The following MASP2 variants were observed in gnomAD, a reference collection of about 807,000 sequenced individuals.
The protein encoded by MASP2 is mannan-binding lectin serine protease 2.
MASP2 carries 49 observed loss-of-function variants against 57.1 expected under a neutral mutation model. The ratio of observed to expected loss-of-function variants is 0.86; its 90% confidence interval spans 0.68 to 1.09. The LOEUF (loss-of-function observed/expected upper bound fraction) is 1.09, where lower values mean the gene tolerates loss of function less well. Ranked by LOEUF, MASP2 falls within the 50% of genes least tolerant of loss-of-function variation. The pLI, the probability that MASP2 is intolerant of heterozygous loss-of-function variation, is 0.00. For missense variants in MASP2, 900 were observed against 874.8 expected (o/e 1.03, Z -0.36); for synonymous variants, 379 against 340.8 (o/e 1.11, Z -1.24).
rs1259977609 is a variant in MASP2, at chr1:11,043,543, G to A, written c.545-8C>T. On this transcript the variant is annotated splice_polypyrimidine_tract_variant and splice_region_variant and intron_variant, in intron 4 of 10. Transcript: ENST00000400897. The stretch of plus-strand genomic sequence containing the variant: ...CCTGGCCGGAGCACAGGGCTGGAAG[G>A]AGGGAAGGCAGGGGAGTGACTTGGC... 2 of 1,589,132 alleles carry A rather than the reference G, an allele frequency of 1.3e-6. No homozygotes were observed. Among genetic ancestry groups the A allele is most frequent in the Admixed American group, 3.6e-5 (2 of 56,240 alleles).
At chr1:11,034,794 G>C in intron 8 of MASP2, 34 bp downstream of exon 8, 1 of 1,467,854 alleles carries the variant, frequency 6.8e-7, no homozygotes, top group Non-Finnish European at 9.3e-7. Context: ...AGTTCCGGGC[G>C]GTTATGGGGC....
In MASP2 at chr1:11,046,615, C is replaced by A. The variant is rs748848129; in HGVS notation, c.353G>T (p.Arg118Leu). Residue 118 changes from arginine to leucine, a missense_variant, in exon 3 of 11, where the codon CGC becomes CTC. Transcript: ENST00000400897. ...SLGSSLDITFRSDYSNEKPFT... is the reference protein window; with the variant it reads ...SLGSSLDITFLSDYSNEKPFT... Reference sequence around the variant, plus strand: ...CGGCTTCTCGTTGGAGTAGTCGGAGCGGAAGGTAATGTCCAGGCTGGAGCC... The same window carrying A: ...CGGCTTCTCGTTGGAGTAGTCGGAGAGGAAGGTAATGTCCAGGCTGGAGCC... 1.2e-6 allele frequency: 2 copies of A among 1,613,746 alleles called. No homozygotes were observed. Among genetic ancestry groups the A allele is most frequent in the Non-Finnish European group, 1.7e-6 (2 of 1,180,032 alleles).
Position 11,027,360 on chromosome 1 carries a change from A to G in MASP2, c.1586T>C (p.Phe529Ser). 6.2e-7 allele frequency: 1 copy of G among 1,614,234 alleles called. No homozygotes were observed. Among genetic ancestry groups the G allele is most frequent in the Non-Finnish European group, 8.5e-7 (1 of 1,180,040 alleles). The change falls in exon 11 of 11, where the codon TTT becomes TCT. Residue 529 changes from phenylalanine (F) to serine (S), a missense_variant. Phe to Ser is a radical substitution (Grantham distance 155, BLOSUM62 -2). Coordinates refer to ENST00000400897, the MANE Select transcript of MASP2 (RefSeq NM_006610.4). ...TTTAATCAGTGCTATGTCATTGTCA[A>G]AGCCAGCATCATGAGTATAACCTTC... ...IHEGYTHDAGFDNDIALIKLN... is the reference protein window; with the variant it reads ...IHEGYTHDAGSDNDIALIKLN...
intron 6 of MASP2, among the ~76,000 whole-genome samples, chr1:11,038,234 A>G (rs1638310552): frequency 6.6e-6 from 1 of 152,026 alleles, no homozygotes; most frequent in Non-Finnish European, 1.5e-5. Context: ...GTTATGTGTA[A>G]CCTCTCTGAG....
chr1:11,045,469 G>C lies in MASP2; in HGVS notation c.483C>G (p.Gly161=), dbSNP rs759730594. 1 of 1,613,080 alleles carries C rather than the reference G, an allele frequency of 6.2e-7. No homozygotes were observed. The highest frequency in any genetic ancestry group is 8.5e-7 in the Non-Finnish European group (1 of 1,179,970). The stretch of plus-strand genomic sequence containing the variant: ...CTGCGCGGCAGGAGCAGTAGAAACC[G>C]CCCAGGTGGTTGTGGCAGTGGTGGT... ...TCDHHCHNHL[G]GFYCSCRAGY... The change falls in exon 4 of 11, where the codon GGC becomes GGG. Residue 161 remains glycine (G), a synonymous_variant. Coordinates refer to ENST00000400897, the MANE Select transcript of MASP2 (RefSeq NM_006610.4).
chr1:11,036,745 G>C (rs1277624328), intron 7 of MASP2, among the ~76,000 whole-genome samples: 1 of 149,476 alleles, frequency 6.7e-6, no homozygotes, highest in Non-Finnish European at 1.5e-5. Flanking sequence ...AGAACATAAA[G>C]AGGACGTGTT....
Position 11,027,634 on chromosome 1 carries a change from CTGAT to C in MASP2, c.1308_1311del (p.Ser437ProfsTer24). On this transcript the variant is annotated frameshift_variant, in exon 11 of 11. Transcript: ENST00000400897. LOFTEE classifies it low-confidence loss of function (END_TRUNC). Reference sequence around the variant, plus strand: ...TATATACGCCCTCCTGTTGTGCGGGCTGATAGTCCACAAACTGGAGAAAGAAGCA... The same window carrying C: ...TATATACGCCCTCCTGTTGTGCGGGCAGTCCACAAACTGGAGAAAGAAGCA... The C allele has an allele frequency of 1.2e-6, 2 of 1,604,786 alleles. No individual in the cohort carries two copies. Among genetic ancestry groups the C allele is most frequent in the Non-Finnish European group, 1.7e-6 (2 of 1,175,398 alleles).
At chr1:11,045,685 T>C (rs966304656) in intron 3 of MASP2, 146 bp from the exon 4 acceptor site, 2 of 847,650 alleles carry the variant, frequency 2.4e-6, no homozygotes, top group Admixed American at 5.7e-5. Context: ...GCCGGGCCAA[T>C]CACCTTACAG....
chr1:11,036,513 AAAAAAAAAAAAAAAAAAAAAAAAAC>A (rs1638240214), intron 7 of MASP2, among the ~76,000 whole-genome samples: 1 of 117,090 alleles, frequency 8.5e-6, no homozygotes, highest in African/African-American at 5.6e-5. Flanking sequence ...TCCGTCTCAA[AAAAAAAAAAAAAAAAAAAAAAAAAC>A]AAAAAAAAAA....
chr1:11,037,882 G>A (rs1638302717), intron 6 of MASP2, 71 bp from the exon 7 acceptor site: 2 of 818,470 alleles, frequency 2.4e-6, no homozygotes, highest in East Asian at 5.3e-5. Flanking sequence ...CGAGCCATCT[G>A]AAGTTCTTAG....
intron 8 of MASP2, among the ~76,000 whole-genome samples, chr1:11,031,528 T>TTAAAAAA (rs1553160783): frequency 1.5e-5 from 1 of 67,504 alleles, no homozygotes; most frequent in Non-Finnish European, 2.5e-5. Flanking sequence ...GACTCTGTCT[T>TTAAAAAA]AAAAAAAAAA....
Position 11,042,935 on chromosome 1 carries a change from T to G in MASP2, c.829A>C (p.Thr277Pro). ...IETKSNTVTI[T>P]FVTDESGDHT... ...TCTCCTGATTCATCTGTGACAAAGGTGATGGTCACCGTGTTGCTTTTTGTT... is the reference window on the plus strand; with the variant it reads ...TCTCCTGATTCATCTGTGACAAAGGGGATGGTCACCGTGTTGCTTTTTGTT... The change falls in exon 6 of 11, where the codon ACC (threonine) becomes CCC (proline). Residue 277 changes from threonine (T) to proline (P), a missense_variant. Thr to Pro is a conservative substitution (Grantham distance 38, BLOSUM62 -1). Transcript: ENST00000400897. 6.2e-7 allele frequency: 1 copy of G among 1,613,954 alleles called. No individual in the cohort carries two copies. Among genetic ancestry groups the G allele is most frequent in the South Asian group, 1.1e-5 (1 of 91,076 alleles).
chr1:11,044,085 G>A (rs542248795), intron 4 of MASP2, among the ~76,000 whole-genome samples: 1 of 152,116 alleles, frequency 6.6e-6, no homozygotes, highest in East Asian at 1.9e-4. Flanking sequence ...TTCATCAGGG[G>A]TCTCCTACCC....
chr1:11,040,655 G>A (rs150577262), intron 6 of MASP2, among the ~76,000 whole-genome samples: 8 of 150,756 alleles, frequency 5.3e-5, no homozygotes, highest in Admixed American at 2.0e-4. Context: ...GATAGGATTG[G>A]TAGGTAAAAT....
In MASP2 at chr1:11,045,808, G is replaced by A. The variant is rs565398285; in HGVS notation, c.413-269C>T. ...CCCGAGGTCACCCAGCTAATGAGGGGAGTCAATCAAACCCAGGGGGCGGGG... is the reference window on the plus strand; with the variant it reads ...CCCGAGGTCACCCAGCTAATGAGGGAAGTCAATCAAACCCAGGGGGCGGGG... On this transcript the variant is annotated intron_variant, in intron 3 of 10. Coordinates refer to ENST00000400897, the MANE Select transcript of MASP2 (RefSeq NM_006610.4). 2.1e-5 allele frequency: 11 copies of A among 529,764 alleles called. No individual in the cohort carries two copies. The South Asian group carries it at 2.8e-4, about 14-fold the overall frequency. The allele number at this position is 529,764 out of a possible 1,614,324, so 32.8% of individuals were successfully genotyped here. A position where few individuals can be genotyped will look rare whatever the true frequency, so the allele number is the denominator to read the frequency against.
At chr1:11,030,019 G>A (rs1371999106) in intron 10 of MASP2, 157 bp downstream of exon 10, 1 of 575,550 alleles carries the variant, frequency 1.7e-6, no homozygotes, top group African/African-American at 1.9e-5. Flanking sequence ...ATATGGGAAG[G>A]GGGTAATGAG....
At position 11,043,318 on chromosome 1, in the gene MASP2, T is replaced by TG. The variant is rs750682072; in HGVS notation, c.741+20dup. On this transcript the variant is annotated intron_variant, in intron 5 of 10. Coordinates refer to ENST00000400897, the MANE Select transcript of MASP2 (RefSeq NM_006610.4). ...CTGAGGGGGAGGATCTGGGACAAGA[T>TG]GAGGGGCCCAGGAGCCAGACCTTGA... The TG allele has an allele frequency of 1.0e-5, 16 of 1,590,298 alleles. No homozygotes were observed. In the South Asian group the frequency reaches 1.6e-4, roughly 16 times the overall value.
At chr1:11,036,527 A>AAC (rs1638241591) in intron 7 of MASP2, among the ~76,000 whole-genome samples, 2 of 140,916 alleles carry the variant, frequency 1.4e-5, no homozygotes, top group African/African-American at 5.8e-5. Flanking sequence ...AAAAAAAAAA[A>AAC]AAAAAAAAAA....
chr1:11,034,839 G>C lies in MASP2; in HGVS notation c.1076C>G (p.Pro359Arg). The change falls in exon 8 of 11, where the codon CCC becomes CGC. Residue 359 changes from proline (P) to arginine (R), a missense_variant. Physicochemically the swap from Pro to Arg is moderately radical, Grantham distance 103 (BLOSUM62 -2). Transcript: ENST00000400897. ...CCACACGACCGTACTGCTGCACGCG[G>C]GCATTGGCCGGTCCCAAGATCCATC... ...QKDGSWDRPM[P>R]ACSIVDCGPP... 1 of 1,612,334 alleles carries C rather than the reference G, an allele frequency of 6.2e-7. No homozygotes were observed. Among genetic ancestry groups the C allele is most frequent in the Non-Finnish European group, 8.5e-7 (1 of 1,179,246 alleles).
Sources: gnomAD v4.1 joint callset for allele counts (sites outside exome capture counted in the v4.1 genomes callset) on GRCh38, gnomAD v4.1.1 for gene constraint, MANE v1.5 for transcripts, NCBI Gene and HGNC (gene_info 2026-07-23, HGNC 2026-07-21) for gene names.